Variants in LRRC31 observed in about 807,000 individuals in gnomAD.
The protein encoded by LRRC31 is leucine-rich repeat-containing protein 31.
In LRRC31, 35 loss-of-function variants were observed where a neutral mutation model predicts 46.7. That is an observed-to-expected ratio of 0.75 (90% CI 0.57 to 0.99). LRRC31 has a LOEUF of 0.99. Ranked by LOEUF, LRRC31 falls within the 50% of genes least tolerant of loss-of-function variation. LRRC31 has a pLI of 0.00. For synonymous variants in LRRC31, 236 were observed against 235.1 expected, an observed-to-expected ratio of 1.00 and a Z score of -0.03; for missense variants, 613 against 626.1, an observed-to-expected ratio of 0.98 and a Z score of 0.22.
chr3:169,849,399 A>T (rs1201786522), intron 7 of LRRC31, among the ~76,000 whole-genome samples: 1 of 152,216 alleles, frequency 6.6e-6, no homozygotes, highest in Non-Finnish European at 1.5e-5. Context: ...TGATTCATTG[A>T]TTGTGCAGCT....
At chr3:169,856,303 A>G in intron 5 of LRRC31, 33 bp downstream of exon 5, 1 of 1,396,306 alleles carries the variant, frequency 7.2e-7, no homozygotes, top group Non-Finnish European at 9.6e-7. Flanking sequence ...ATAATTATAC[A>G]TGTAATCTTA....
At chr3:169,857,104 C>T (rs1029024677) in intron 3 of LRRC31, among the ~76,000 whole-genome samples, 7 of 151,748 alleles carry the variant, frequency 4.6e-5, no homozygotes, top group African/African-American at 1.7e-4. Flanking sequence ...TGAAGCCATG[C>T]GTATGAGCTA....
chr3:169,859,310 CG>C (rs796284460), intron 3 of LRRC31, among the ~76,000 whole-genome samples: 2,426 of 55,960 alleles, frequency 0.043, 82 homozygotes, highest in African/African-American at 0.15. Context: ...AAAAAAAGGC[CG>C]GGGGGGCGGG....
intron 8 of LRRC31, among the ~76,000 whole-genome samples, chr3:169,842,905 A>G (rs1780494672): frequency 6.6e-6 from 1 of 152,238 alleles, no homozygotes; most frequent in Admixed American, 6.5e-5. Context: ...AGAAATAAAT[A>G]AATAAAAATC....
chr3:169,862,882 CTTTT>C, intron 1 of LRRC31, among the ~76,000 whole-genome samples: 1 of 143,620 alleles, frequency 7.0e-6, no homozygotes, highest in South Asian at 2.2e-4. Context: ...TTTTTTCTTT[CTTTT>C]TTTTTTTGTT....
At chr3:169,860,373 G>C (rs1209287933) in intron 3 of LRRC31, among the ~76,000 whole-genome samples, 188 bp downstream of exon 3, 2 of 151,496 alleles carry the variant, frequency 1.3e-5, no homozygotes, top group Non-Finnish European at 2.9e-5. Flanking sequence ...GACTACAGGA[G>C]CCCACCACCA....
intron 6 of LRRC31, among the ~76,000 whole-genome samples, chr3:169,854,389 C>T (rs116823834): frequency 4.6e-5 from 7 of 152,306 alleles, no homozygotes; most frequent in Admixed American, 3.3e-4. Context: ...AGCCATCACG[C>T]GCCACCCTGC....
At chr3:169,850,560 T>C (rs1780727399) in intron 7 of LRRC31, among the ~76,000 whole-genome samples, 1 of 152,226 alleles carries the variant, frequency 6.6e-6, no homozygotes, top group Non-Finnish European at 1.5e-5. Flanking sequence ...ATTTTCTGTA[T>C]GCAAAACATC....
intron 4 of LRRC31, 25 bp from the exon 5 acceptor site, chr3:169,856,528 GA>G: frequency 6.3e-7 from 1 of 1,577,720 alleles, no homozygotes; most frequent in Non-Finnish European, 8.6e-7. Context: ...ATCCAAATAA[GA>G]AGGGTAGGTA....
chr3:169,859,506 AAAT>A (rs1781082019), intron 3 of LRRC31, among the ~76,000 whole-genome samples: 1 of 152,230 alleles, frequency 6.6e-6, no homozygotes, highest in Non-Finnish European at 1.5e-5. Flanking sequence ...TAAAGGATTA[AAAT>A]AAGTCATGAA....
At chr3:169,857,211 TG>T (rs1349363658) in intron 3 of LRRC31, among the ~76,000 whole-genome samples, 1 of 150,730 alleles carries the variant, frequency 6.6e-6, no homozygotes, top group Non-Finnish European at 1.5e-5. Context: ...CCCCTCTCTC[TG>T]GGATCAGCAT....
At chr3:169,868,910 T>G (rs1781408995) in intron 1 of LRRC31, among the ~76,000 whole-genome samples, 1 of 151,836 alleles carries the variant, frequency 6.6e-6, no homozygotes, top group African/African-American at 2.4e-5. Context: ...GTGTGTGTTG[T>G]TGGTGGGGGA....
chr3:169,852,837 A>T (rs150886613), intron 6 of LRRC31, among the ~76,000 whole-genome samples: 1 of 152,308 alleles, frequency 6.6e-6, no homozygotes, highest in African/African-American at 2.4e-5. Flanking sequence ...CACAGCACCC[A>T]GCATTATGTG....
intron 8 of LRRC31, among the ~76,000 whole-genome samples, chr3:169,842,066 CATAA>C (rs925127948): frequency 3.3e-5 from 5 of 152,056 alleles, no homozygotes; most frequent in African/African-American, 7.2e-5. Flanking sequence ...AAATAAAATA[CATAA>C]ATAAATAAAT....
chr3:169,867,047 G>GTTTTTTTTTTTTTT, intron 1 of LRRC31, among the ~76,000 whole-genome samples: 1 of 92,646 alleles, frequency 1.1e-5, no homozygotes, highest in East Asian at 2.3e-4. Context: ...GGTTTTTTTT[G>GTTTTTTTTTTTTTT]TTTGTTTGTT....
At chr3:169,855,519 G>T (rs1310689074) in intron 5 of LRRC31, among the ~76,000 whole-genome samples, 1 of 152,122 alleles carries the variant, frequency 6.6e-6, no homozygotes, top group Non-Finnish European at 1.5e-5. Flanking sequence ...CTTGAGCATT[G>T]GAGTTTACAT....
chr3:169,858,959 T>C (rs1407249886), intron 3 of LRRC31, among the ~76,000 whole-genome samples: 1 of 122,498 alleles, frequency 8.2e-6, no homozygotes, highest in Non-Finnish European at 1.6e-5. Context: ...TGAGCCAAGA[T>C]TGCACCACTG....
chr3:169,853,189 G>C (rs551993039), intron 6 of LRRC31: 3 of 983,736 alleles, frequency 3.0e-6, no homozygotes, highest in Non-Finnish European at 3.6e-6. Flanking sequence ...CCCTGGCACG[G>C]TGCCCCACAC....
intron 3 of LRRC31, among the ~76,000 whole-genome samples, 167 bp from the exon 4 acceptor site, chr3:169,857,039 C>T (rs1780970598): frequency 6.6e-6 from 1 of 152,042 alleles, no homozygotes; most frequent in Non-Finnish European, 1.5e-5. Flanking sequence ...TCCTTCATAG[C>T]AGGGCGTGCT....
Sources: allele counts gnomAD v4.1 joint callset (sites outside exome capture counted in the v4.1 genomes callset), GRCh38; gene constraint gnomAD v4.1.1; transcripts MANE v1.5; gene names NCBI Gene and HGNC (gene_info 2026-07-23, HGNC 2026-07-21).